The following HNRNPL variants were observed in gnomAD, a reference collection of about 807,000 sequenced individuals.
The protein encoded by HNRNPL is epididymis secretory sperm binding protein.
Under a neutral mutation model 64.0 loss-of-function variants are expected in HNRNPL, and 12 were observed. That is an observed-to-expected ratio of 0.19 (90% CI 0.12 to 0.30). The LOEUF (loss-of-function observed/expected upper bound fraction) is 0.30. HNRNPL is among the 10% of genes least tolerant of loss of function. The pLI, the probability that HNRNPL is intolerant of heterozygous loss-of-function variation, is 1.00. For missense variants in HNRNPL, 484 were observed against 797.4 expected, an observed-to-expected ratio of 0.61 and a Z score of 4.73; for synonymous variants, 385 against 313.0, an observed-to-expected ratio of 1.23 and a Z score of -2.43.
At chr19:38,849,612 AG>A (rs1027431264) in intron 1 of HNRNPL, 87 bp downstream of exon 1, 9 of 1,285,604 alleles carry the variant, frequency 7.0e-6, no homozygotes, top group East Asian at 3.0e-5. Context: ...GCGTGCGCAG[AG>A]GCCCCCCTCA....
Position 38,847,345 on chromosome 19 carries a change from C to T in HNRNPL, c.357G>A (p.Val119=), listed in dbSNP as rs753605650. Residue 119 remains valine (V), a synonymous_variant, in exon 2 of 13, where the codon GTG becomes GTA. Coordinates refer to ENST00000221419, the MANE Select transcript of HNRNPL (RefSeq NM_001533.3). ...LIDGVVEADL[V]EALQEFGPIS... is the part of the protein sequence containing the mutation. ...TGGGTCCAAACTCCTGCAAGGCCTCCACAAGGTCTGCTTCCACCACACCGT... is the reference window on the plus strand; with the variant it reads ...TGGGTCCAAACTCCTGCAAGGCCTCTACAAGGTCTGCTTCCACCACACCGT... 1 of 1,539,768 alleles carries T rather than the reference C, an allele frequency of 6.5e-7. No individual in the cohort carries two copies. Among genetic ancestry groups the T allele is most frequent in the South Asian group, 1.2e-5 (1 of 81,772 alleles).
In HNRNPL at chr19:38,838,602, C is replaced by A; in HGVS notation, c.1356-4G>T. 6.2e-7 allele frequency: 1 copy of A among 1,613,164 alleles called. No homozygotes were observed. Among genetic ancestry groups the A allele is most frequent in the South Asian group, 1.1e-5 (1 of 91,010 alleles). On this transcript the variant is annotated splice_region_variant and splice_polypyrimidine_tract_variant and intron_variant, in intron 9 of 12. Coordinates refer to ENST00000221419, the MANE Select transcript of HNRNPL (RefSeq NM_001533.3). The stretch of plus-strand genomic sequence containing the variant: ...GATGGCTGGCTGCTTGGAGACACTG[C>A]AGCAAGGAAGAAAGGGGAGCCTTTG...
rs1971945368 is a variant in HNRNPL, at chr19:38,836,848, GTT to G, written c.1712-70_1712-69del. 3 of 1,185,150 alleles carry G rather than the reference GTT, an allele frequency of 2.5e-6. No homozygotes were observed. The Admixed American group carries it at 5.9e-5, about 23-fold the overall frequency. The allele number at this position is 1,185,150 out of a possible 1,614,324, so 73.4% of individuals were successfully genotyped here. The stretch of plus-strand genomic sequence containing the variant: ...GCTCCCCAAACCCAGGTCCCCTCAA[GTT>G]TGTACCCATCTCCCATTTTCTGCAG... On this transcript the variant is annotated intron_variant, in intron 12 of 12. Coordinates refer to ENST00000221419, the MANE Select transcript of HNRNPL (RefSeq NM_001533.3).
At chr19:38,851,946 C>T (rs1446319186), upstream of HNRNPL, among the ~76,000 whole-genome samples, 2 of 151,794 alleles carry the variant, frequency 1.3e-5, no homozygotes, top group African/African-American at 2.4e-5. Context: ...GCACGTGGCC[C>T]GCGTGACGGG....
At chr19:38,840,757 C>G in intron 6 of HNRNPL, 198 bp from the exon 7 acceptor site, 1 of 600,498 alleles carries the variant, frequency 1.7e-6, no homozygotes, top group Non-Finnish European at 2.9e-6. Flanking sequence ...GCCCACTCTC[C>G]TTCCCCTGCT....
rs530287822 is a variant in HNRNPL at position 38,848,746 on chromosome 19, T to A, written c.267+954A>T. On this transcript the variant is annotated intron_variant, in intron 1 of 12. Transcript: ENST00000221419. Reference sequence around the variant, plus strand: ...AATTCACCTCATCTCATCTCTCTCCTGGCCCATTTCCTCCTTTGTAAATCG... The same window carrying A: ...AATTCACCTCATCTCATCTCTCTCCAGGCCCATTTCCTCCTTTGTAAATCG... Among the ~76,000 whole-genome samples, 9 of 152,328 alleles carry A rather than the reference T, an allele frequency of 5.9e-5. No individual in the cohort carries two copies. In the East Asian group the frequency reaches 1.7e-3, roughly 29 times the overall value.
chr19:38,840,655 C>CAAA, intron 6 of HNRNPL, 96 bp from the exon 7 acceptor site: 1 of 999,358 alleles, frequency 1.0e-6, no homozygotes, highest in Non-Finnish European at 1.5e-6. Context: ...CCAGCTCCTG[C>CAAA]CAACTGCAAG....
rs1187823491 is a variant in HNRNPL, at chr19:38,840,257, G to A, written c.1072C>T (p.Arg358Cys). ...GGGTGCCCATACTGGGGGCCGTAGC[G>A]ACTTGGGCCCCGACGGTGACCCCCC... is the stretch of plus-strand genomic sequence containing the variant. Reference protein sequence around the residue: ...PVGGHRRGPSRYGPQYGHPPP... With the variant: ...PVGGHRRGPSCYGPQYGHPPP... The change falls in exon 8 of 13, where the codon CGC becomes TGC. Residue 358 changes from arginine (R) to cysteine (C), a missense_variant. Transcript: ENST00000221419. 13 of 1,580,792 alleles carry A rather than the reference G, an allele frequency of 8.2e-6. No individual in the cohort carries two copies. Among genetic ancestry groups the A allele is most frequent in the South Asian group, 5.7e-5 (5 of 87,720 alleles).
At chr19:38,847,499 T>C (rs2145434176) in intron 1 of HNRNPL, 65 bp from the exon 2 acceptor site, 1 of 950,386 alleles carries the variant, frequency 1.1e-6, no homozygotes, top group Non-Finnish European at 1.5e-6. Context: ...CACTGGCCTC[T>C]GTACTGTTGT....
At chr19:38,839,343 C>T in intron 8 of HNRNPL, 1 of 296,648 alleles carries the variant, frequency 3.4e-6, no homozygotes, top group South Asian at 3.3e-5. Context: ...CTATGGATGG[C>T]TGTGTCTACA....
Position 38,849,978 on chromosome 19 carries a change from A to ACCCGCCTCCC in HNRNPL, c.-13_-12insGGGAGGCGGG, listed in dbSNP as rs763343619. The ACCCGCCTCCC allele has an allele frequency of 1.5e-6, 2 of 1,312,388 alleles. No individual in the cohort carries two copies. The highest frequency in any genetic ancestry group is 1.6e-5 in the African/African-American group (1 of 63,684). The allele number at this position is 1,312,388 out of a possible 1,614,324, so 81.3% of individuals were successfully genotyped here. On this transcript the variant is annotated 5_prime_UTR_variant, in exon 1 of 13. Coordinates refer to ENST00000221419, the MANE Select transcript of HNRNPL (RefSeq NM_001533.3). ...AGCCTCCGCGACATGGCGGCGCAGA[A>ACCCGCCTCCC]CCCGCCTCCCCCCGCCTCTCATTGG...
chr19:38,845,750 A>G lies in HNRNPL; in HGVS notation c.625-15T>C. 6.2e-7 allele frequency: 1 copy of G among 1,611,838 alleles called. No individual in the cohort carries two copies. The highest frequency in any genetic ancestry group is 8.5e-7 in the Non-Finnish European group (1 of 1,177,840). Reference sequence around the variant, plus strand: ...TAAAGAACATCCTGCAAAAGCAAACACAGGCAAGATGAAGGGGCACTGGCA... The same window carrying G: ...TAAAGAACATCCTGCAAAAGCAAACGCAGGCAAGATGAAGGGGCACTGGCA... On this transcript the variant is annotated splice_polypyrimidine_tract_variant and intron_variant, in intron 3 of 12. Coordinates refer to ENST00000221419, the MANE Select transcript of HNRNPL (RefSeq NM_001533.3).
At position 38,845,932 on chromosome 19, in the gene HNRNPL, G is replaced by T; in HGVS notation, c.545C>A (p.Pro182His). Residue 182 changes from proline (P) to histidine (H), a missense_variant, in exon 3 of 13, where the codon CCT becomes CAT. Physicochemically the swap from Pro to His is moderately conservative, Grantham distance 77. Transcript: ENST00000221419. Reference sequence around the variant, plus strand: ...GCTCCGGGAGTCATCCGAGTCCCCAGGGCGGGAGATCTTCTGGCTGGTAGA... The same window carrying T: ...GCTCCGGGAGTCATCCGAGTCCCCATGGCGGGAGATCTTCTGGCTGGTAGA... ...NYSTSQKISR[P>H]GDSDDSRSVN... The T allele has an allele frequency of 6.2e-7, 1 of 1,614,218 alleles. No individual in the cohort carries two copies. Among genetic ancestry groups the T allele is most frequent in the Non-Finnish European group, 8.5e-7 (1 of 1,180,030 alleles).
chr19:38,846,268 G>C (rs1972292201), intron 2 of HNRNPL, among the ~76,000 whole-genome samples, 178 bp from the exon 3 acceptor site: 1 of 152,154 alleles, frequency 6.6e-6, no homozygotes, highest in Non-Finnish European at 1.5e-5. Flanking sequence ...AAGAGGTCTA[G>C]CTGAGCCATC....
intron 12 of HNRNPL, 159 bp from the exon 13 acceptor site, chr19:38,836,939 A>G (rs751718030): frequency 1.7e-6 from 1 of 588,834 alleles, no homozygotes; most frequent in African/African-American, 1.9e-5. Context: ...CCAATTACCA[A>G]TTATGCACGG....
chr19:38,852,115 A>C (rs1452213779), upstream of HNRNPL, among the ~76,000 whole-genome samples: 1 of 134,274 alleles, frequency 7.4e-6, no homozygotes, highest in Non-Finnish European at 1.6e-5. Context: ...AGCACGGCGG[A>C]ACGGTCTCCC....
chr19:38,849,418 C>A, intron 1 of HNRNPL: 1 of 372,888 alleles, frequency 2.7e-6, no homozygotes, highest in East Asian at 4.0e-5. Context: ...GCGTGCCCGG[C>A]CCCCACACGC....
chr19:38,849,844 T>C lies in HNRNPL; in HGVS notation c.123A>G (p.Gly41=). The C allele has an allele frequency of 1.6e-6, 2 of 1,215,818 alleles. No individual in the cohort carries two copies. Among genetic ancestry groups the C allele is most frequent in the Non-Finnish European group, 2.3e-6 (2 of 868,718 alleles). 75.3% of individuals were successfully genotyped at this position (1,215,818 alleles called of 1,614,324 possible). ...CGCCGTAGTAGCGGCCACCGCCGCC[T>C]CCGCCGCCCGCCGCCGCCATCTTCA... ...AMVKMAAAGG[G]GGGGRYYGGG... The change falls in exon 1 of 13, where the codon GGA becomes GGG. Residue 41 remains glycine, a synonymous_variant. Coordinates refer to ENST00000221419, the MANE Select transcript of HNRNPL (RefSeq NM_001533.3).
At chr19:38,845,084 T>C (rs1168994615) in intron 4 of HNRNPL, 1 of 132,910 alleles carries the variant, frequency 7.5e-6, no homozygotes. Flanking sequence ...GTTCCCCAAA[T>C]CTTTGTCACT....
Sources: allele counts gnomAD v4.1 joint callset (sites outside exome capture counted in the v4.1 genomes callset), GRCh38; gene constraint gnomAD v4.1.1; transcripts MANE v1.5; gene names NCBI Gene and HGNC (gene_info 2026-07-23, HGNC 2026-07-21).